TLL2: variants seen among roughly 807,000 people sequenced by gnomAD.
The protein encoded by TLL2 is tolloid like 2, also known as tolloid-like protein 2.
TLL2 carries 106 observed loss-of-function variants against 123.0 expected under a neutral mutation model. The ratio of observed to expected loss-of-function variants is 0.86; its 90% CI spans 0.74 to 1.01. The LOEUF (loss-of-function observed/expected upper bound fraction) is 1.01. Among genes scored for constraint, TLL2 ranks in the 50% least tolerant of loss-of-function variants. The probability of loss-of-function intolerance (pLI) is 0.00; values close to 1 mark genes in which losing one functional copy is unlikely to be tolerated. For missense variants in TLL2, 1,332 were observed against 1,336.7 expected, an observed-to-expected ratio of 1.00 and a Z score of 0.06; for synonymous variants, 494 against 516.8, an observed-to-expected ratio of 0.96 and a Z score of 0.60.
At chr10:96,393,099 G>A (rs1846304056) in intron 13 of TLL2, among the ~76,000 whole-genome samples, 1 of 152,186 alleles carries the variant, frequency 6.6e-6, no homozygotes, top group African/African-American at 2.4e-5. Flanking sequence ...AGCTGGAAAA[G>A]GCAAAGAAAT....
At chr10:96,464,665 T>A (rs533806409) in intron 2 of TLL2, among the ~76,000 whole-genome samples, 1 of 152,206 alleles carries the variant, frequency 6.6e-6, no homozygotes, top group African/African-American at 2.4e-5. Context: ...GTGCTTAACA[T>A]GATACTGCTT....
In TLL2 at chr10:96,513,596, CG is replaced by C. The variant is rs1200780206; in HGVS notation, c.89del (p.Pro30ArgfsTer38). ...GCTCTGAGTAGTCTGCGGTGGCGTC[CG>C]GGCGCTCCCCGAGTCCCCCGGCGCC... ...PRGAGGLGER[P>X]DATADYSELD... On this transcript the variant is annotated frameshift_variant, in exon 1 of 21. Transcript: ENST00000357947. LOFTEE classifies it high-confidence loss of function. The C allele has an allele frequency of 1.2e-6, 2 of 1,605,728 alleles. No individual in the cohort carries two copies. The highest frequency in any genetic ancestry group is 1.7e-6 in the Non-Finnish European group (2 of 1,179,002).
intron 2 of TLL2, among the ~76,000 whole-genome samples, chr10:96,450,363 G>A (rs1425919168): frequency 1.5e-5 from 1 of 67,174 alleles, no homozygotes; most frequent in Non-Finnish European, 3.0e-5. Context: ...CACCTGGGAA[G>A]CCTTTAAAAA....
chr10:96,480,330 G>A lies in TLL2; in HGVS notation c.286+19C>T, dbSNP rs1478728788. On this transcript the variant is annotated intron_variant, in intron 2 of 20. Coordinates refer to ENST00000357947, the MANE Select transcript of TLL2 (RefSeq NM_012465.4). The stretch of plus-strand genomic sequence containing the variant: ...CATCCCTCCCATCTGGGCAGGAGAA[G>A]GGAGGAAGCAGTACCTACCTGTGCT... The A allele has an allele frequency of 1.9e-6, 3 of 1,604,774 alleles. No individual in the cohort carries two copies. Among genetic ancestry groups the A allele is most frequent in the Admixed American group, 1.7e-5 (1 of 60,002 alleles).
rs1846164005 is a variant in TLL2, at chr10:96,379,106, T to C, written c.2195-14A>G. ...ACTCGTCCTTATCTGGGGAGATCAA[T>C]GAACTCTTCTAAGAGGAACCGCCAA... On this transcript the variant is annotated splice_polypyrimidine_tract_variant and intron_variant, in intron 16 of 20. Transcript: ENST00000357947. The C allele has an allele frequency of 1.9e-6, 3 of 1,612,222 alleles. No individual in the cohort carries two copies. The highest frequency in any genetic ancestry group is 2.2e-5 in the South Asian group (2 of 90,960).
At chr10:96,387,722 C>G (rs934785747) in intron 13 of TLL2, among the ~76,000 whole-genome samples, 2 of 152,090 alleles carry the variant, frequency 1.3e-5, no homozygotes, top group African/African-American at 4.8e-5. Flanking sequence ...TGGGATTCAG[C>G]ACCAAGGGCC....
intron 2 of TLL2, among the ~76,000 whole-genome samples, chr10:96,473,062 G>A (rs1438245036): frequency 6.6e-6 from 1 of 152,004 alleles, no homozygotes; most frequent in Non-Finnish European, 1.5e-5. Context: ...CCCCCAATCA[G>A]ATGGGAACAC....
intron 1 of TLL2, among the ~76,000 whole-genome samples, chr10:96,509,695 C>T (rs1351090164): frequency 6.6e-6 from 1 of 152,246 alleles, no homozygotes; most frequent in Non-Finnish European, 1.5e-5. Flanking sequence ...CGCCTGTAAT[C>T]CCAGCACTTT....
At position 96,373,579 on chromosome 10, in the gene TLL2, T is replaced by C; in HGVS notation, c.2662+17A>G. 1 of 1,610,068 alleles carries C rather than the reference T, an allele frequency of 6.2e-7. No homozygotes were observed. The highest frequency in any genetic ancestry group is 8.5e-7 in the Non-Finnish European group (1 of 1,176,398). ...CAAGTGCTCATCAGGTGGAAGCCAGTGTCCCACCCCAGGTACCTGTGCTGT... is the reference window on the plus strand; with the variant it reads ...CAAGTGCTCATCAGGTGGAAGCCAGCGTCCCACCCCAGGTACCTGTGCTGT... On this transcript the variant is annotated intron_variant, in intron 19 of 20. Transcript: ENST00000357947.
intron 5 of TLL2, among the ~76,000 whole-genome samples, chr10:96,426,601 C>T (rs1436803125): frequency 3.3e-5 from 5 of 152,110 alleles, no homozygotes. Flanking sequence ...TTGGTCTGTA[C>T]CAGTACTTTA....
At chr10:96,425,867 A>G (rs1284780596) in intron 5 of TLL2, among the ~76,000 whole-genome samples, 2 of 152,042 alleles carry the variant, frequency 1.3e-5, no homozygotes, top group Admixed American at 6.6e-5. Context: ...TTAATTAGCA[A>G]TTCCAAAACA....
At chr10:96,379,120 A>G in intron 16 of TLL2, 28 bp from the exon 17 acceptor site, 1 of 1,592,022 alleles carries the variant, frequency 6.3e-7, no homozygotes, top group Non-Finnish European at 8.6e-7. Context: ...CTCTTCTAAG[A>G]GGAACCGCCA....
At position 96,367,569 on chromosome 10, in the gene TLL2, C is replaced by G. The variant is rs1476400563; in HGVS notation, c.*519G>C. 1.3e-5 allele frequency: 2 copies of G among 154,496 alleles called. No homozygotes were observed. The highest frequency in any genetic ancestry group is 2.9e-5 in the Non-Finnish European group (2 of 69,410). The allele number at this position is 154,496 out of a possible 1,614,324, so 9.6% of individuals were successfully genotyped here. ...GATGCCTTTTTTTAGTCCTGACATC[C>G]ATCCATATTTTCAGGTTTCTTGGTT... On this transcript the variant is annotated 3_prime_UTR_variant, in exon 21 of 21. Coordinates refer to ENST00000357947, the MANE Select transcript of TLL2 (RefSeq NM_012465.4).
At chr10:96,393,608 G>T (rs1041212020) in intron 13 of TLL2, among the ~76,000 whole-genome samples, 1 of 152,248 alleles carries the variant, frequency 6.6e-6, no homozygotes, top group Non-Finnish European at 1.5e-5. Flanking sequence ...TGCAGGCTGG[G>T]CCAGGGTGGG....
chr10:96,460,570 T>C (rs972755743), intron 2 of TLL2, among the ~76,000 whole-genome samples: 6 of 152,112 alleles, frequency 3.9e-5, no homozygotes, highest in Non-Finnish European at 8.8e-5. Context: ...TGATAGTGAG[T>C]GAGTTCTCAC....
chr10:96,392,446 T>TG (rs1846298459), intron 13 of TLL2, among the ~76,000 whole-genome samples: 1 of 145,932 alleles, frequency 6.9e-6, no homozygotes, highest in African/African-American at 2.6e-5. Context: ...CTAGGCATCC[T>TG]GTTTTTTTTT....
At chr10:96,431,625 T>G (rs2134080454) in intron 4 of TLL2, among the ~76,000 whole-genome samples, 1 of 152,178 alleles carries the variant, frequency 6.6e-6, no homozygotes, top group East Asian at 1.9e-4. Context: ...CGCGCCCTGC[T>G]CTAGGTGTTG....
chr10:96,455,237 T>C (rs11188763), intron 2 of TLL2, among the ~76,000 whole-genome samples: 2 of 151,476 alleles, frequency 1.3e-5, no homozygotes, highest in African/African-American at 2.4e-5. Flanking sequence ...TCAAAAAAAA[T>C]AAAATTAAAT....
In TLL2 at chr10:96,397,178, G is replaced by A. The variant is rs751188843; in HGVS notation, c.1384+8C>T. On this transcript the variant is annotated splice_region_variant and intron_variant, in intron 11 of 20. Transcript: ENST00000357947. ...GCCACCGAGCAGCTGCTTTCACCTC[G>A]CACAAACCTTCGTACGCTGCAAAGA... The A allele has an allele frequency of 1.1e-4, 175 of 1,607,840 alleles. No individual in the cohort carries two copies. The highest frequency in any genetic ancestry group is 1.4e-4 in the Non-Finnish European group (162 of 1,176,498).
Sources: allele counts gnomAD v4.1 joint callset (sites outside exome capture counted in the v4.1 genomes callset), GRCh38; gene constraint gnomAD v4.1.1; transcripts MANE v1.5; gene names NCBI Gene and HGNC (gene_info 2026-07-23, HGNC 2026-07-21).